The following GALNT17 variants were observed in gnomAD, a reference collection of about 807,000 sequenced individuals.
GALNT17 encodes polypeptide N-acetylgalactosaminyltransferase 17.
Under a neutral mutation model 63.7 loss-of-function variants are expected in GALNT17, and 29 were observed. The observed-to-expected ratio is 0.46, with a 90% CI of 0.34 to 0.62. The LOEUF (loss-of-function observed/expected upper bound fraction) is 0.62, where lower values mean the gene tolerates loss of function less well. Among genes scored for constraint, GALNT17 ranks in the 20% least tolerant of loss-of-function variants. The pLI, the probability that GALNT17 is intolerant of heterozygous loss-of-function variation, is 0.01. For synonymous variants in GALNT17, 305 were observed against 318.3 expected (o/e 0.96, Z 0.45); for missense variants, 603 against 799.6 (o/e 0.75, Z 2.97).
intron 5 of GALNT17, among the ~76,000 whole-genome samples, chr7:71,437,630 G>A (rs7456388): frequency 0.053 from 8,126 of 152,276 alleles, 759 homozygotes; most frequent in African/African-American, 0.19. Flanking sequence ...TGATTCTTCA[G>A]TGACTTCAAA....
intron 1 of GALNT17, among the ~76,000 whole-genome samples, chr7:71,176,934 GA>G (rs1392252636): frequency 2.0e-5 from 3 of 152,178 alleles, no homozygotes; most frequent in African/African-American, 7.2e-5. Context: ...CTGCCCTAAA[GA>G]GCTTTGTCTC....
At chr7:71,366,810 C>T (rs1454592904) in intron 2 of GALNT17, among the ~76,000 whole-genome samples, 2 of 152,194 alleles carry the variant, frequency 1.3e-5, no homozygotes, top group Admixed American at 1.3e-4. Flanking sequence ...CTTCCTCACA[C>T]CTGACTCCCT....
intron 6 of GALNT17, among the ~76,000 whole-genome samples, chr7:71,635,202 G>C (rs1412005150): frequency 3.6e-5 from 3 of 84,454 alleles, no homozygotes; most frequent in East Asian, 3.8e-4. Context: ...GTGAGACTCC[G>C]TCTCAAAAAA....
chr7:71,576,690 C>A (rs904507741), intron 6 of GALNT17, among the ~76,000 whole-genome samples: 1 of 152,126 alleles, frequency 6.6e-6, no homozygotes, highest in African/African-American at 2.4e-5. Flanking sequence ...TCTGCCTTAG[C>A]CTCCAGAGTA....
chr7:71,492,981 G>A (rs1788035431), intron 5 of GALNT17, among the ~76,000 whole-genome samples: 1 of 152,134 alleles, frequency 6.6e-6, no homozygotes, highest in Admixed American at 6.6e-5. Flanking sequence ...ATTTCTACTT[G>A]TATTCAAATA....
intron 1 of GALNT17, among the ~76,000 whole-genome samples, chr7:71,240,645 T>A (rs367773931): frequency 2.6e-5 from 4 of 152,242 alleles, no homozygotes; most frequent in East Asian, 3.9e-4. Context: ...CCATGGCGTA[T>A]ACGTACCATA....
intron 1 of GALNT17, among the ~76,000 whole-genome samples, chr7:71,251,041 T>A (rs763169926): frequency 3.9e-5 from 6 of 152,232 alleles, no homozygotes; most frequent in Non-Finnish European, 5.9e-5. Context: ...TGTTATACTT[T>A]AAGTTCTAGG....
At chr7:71,245,016 T>A (rs981805863) in intron 1 of GALNT17, among the ~76,000 whole-genome samples, 2 of 151,994 alleles carry the variant, frequency 1.3e-5, no homozygotes, top group African/African-American at 4.8e-5. Context: ...AAGAAATGGA[T>A]GTTTCTCAGG....
chr7:71,643,577 G>A (rs1043840926), intron 6 of GALNT17, among the ~76,000 whole-genome samples: 1 of 152,224 alleles, frequency 6.6e-6, no homozygotes, highest in Non-Finnish European at 1.5e-5. Flanking sequence ...GAGCCAGAGA[G>A]CAGAGAAACA....
intron 1 of GALNT17, among the ~76,000 whole-genome samples, chr7:71,161,669 A>G (rs548628773): frequency 6.6e-6 from 1 of 152,146 alleles, no homozygotes; most frequent in Non-Finnish European, 1.5e-5. Flanking sequence ...ATTTTTTTGC[A>G]TGTAACTTTT....
At chr7:71,578,522 G>T (rs1463112155) in intron 6 of GALNT17, among the ~76,000 whole-genome samples, 1 of 151,292 alleles carries the variant, frequency 6.6e-6, no homozygotes, top group Non-Finnish European at 1.5e-5. Flanking sequence ...TGGTTCTTTT[G>T]TAGAGATGGG....
At chr7:71,426,174 A>C (rs1786757412) in intron 5 of GALNT17, among the ~76,000 whole-genome samples, 1 of 152,188 alleles carries the variant, frequency 6.6e-6, no homozygotes, top group Non-Finnish European at 1.5e-5. Context: ...GCGGGGGTGC[A>C]GAGCCAAACC....
At position 71,480,199 on chromosome 7, in the gene GALNT17, T is replaced by C. The variant is rs941595596; in HGVS notation, c.962+59094T>C. The stretch of plus-strand genomic sequence containing the variant: ...TTTTTTTTTTGAGACAGAGGCTCTC[T>C]CTGTCACTCAGGCTGGAGTGCAATG... On this transcript the variant is annotated intron_variant, in intron 5 of 10. Coordinates refer to ENST00000333538, the MANE Select transcript of GALNT17 (RefSeq NM_022479.3). Among the ~76,000 whole-genome samples, 4 of 132,860 alleles carry C rather than the reference T, an allele frequency of 3.0e-5. No individual in the cohort carries two copies. In the Admixed American group the frequency reaches 3.5e-4, roughly 12 times the overall value. 87.2% of individuals were successfully genotyped at this position (132,860 alleles called of 152,430 possible). A position where few individuals can be genotyped will look rare whatever the true frequency, so the allele number is the denominator to read the frequency against.
chr7:71,480,379 C>T (rs1787797712), intron 5 of GALNT17, among the ~76,000 whole-genome samples: 1 of 151,968 alleles, frequency 6.6e-6, no homozygotes, highest in South Asian at 2.1e-4. Flanking sequence ...CTCTCCTGGG[C>T]AGGGTCTCTG....
chr7:71,134,473 A>T (rs1017585242), intron 1 of GALNT17, among the ~76,000 whole-genome samples: 2 of 151,996 alleles, frequency 1.3e-5, no homozygotes, highest in Non-Finnish European at 2.9e-5. Flanking sequence ...GAGGGATGGG[A>T]TGGAGGGAGA....
At chr7:71,457,255 A>G (rs932898106) in intron 5 of GALNT17, among the ~76,000 whole-genome samples, 1 of 152,174 alleles carries the variant, frequency 6.6e-6, no homozygotes, top group Admixed American at 6.6e-5. Context: ...CAGGGGAGAT[A>G]TGCACCTCTT....
chr7:71,476,492 T>G (rs931762021), intron 5 of GALNT17, among the ~76,000 whole-genome samples: 2 of 151,232 alleles, frequency 1.3e-5, no homozygotes, highest in African/African-American at 4.9e-5. Flanking sequence ...AGTGAAAATA[T>G]TTTGTTTAAA....
chr7:71,365,057 A>G (rs1792478057), intron 2 of GALNT17, among the ~76,000 whole-genome samples: 1 of 151,772 alleles, frequency 6.6e-6, no homozygotes, highest in Admixed American at 6.6e-5. Context: ...CAGCCTCCCA[A>G]GTAGCTGTGA....
At chr7:71,189,959 T>C (rs909781495) in intron 1 of GALNT17, among the ~76,000 whole-genome samples, 11 of 152,042 alleles carry the variant, frequency 7.2e-5, no homozygotes, top group South Asian at 2.1e-4. Context: ...TACAGGTGCC[T>C]GCCACCACGC....
Sources: gnomAD v4.1 joint callset for allele counts (sites outside exome capture counted in the v4.1 genomes callset) on GRCh38, gnomAD v4.1.1 for gene constraint, MANE v1.5 for transcripts, NCBI Gene and HGNC (gene_info 2026-07-23, HGNC 2026-07-21) for gene names.